PHKB: variants seen among roughly 807,000 people sequenced by gnomAD.
PHKB encodes the protein phosphorylase kinase regulatory subunit beta.
In PHKB, 122 loss-of-function variants were observed where a neutral mutation model predicts 152.1. The observed-to-expected ratio is 0.80, with a 90% CI of 0.69 to 0.93. The LOEUF is 0.93. PHKB is among the 40% of genes least tolerant of loss of function. PHKB has a pLI of 0.00. For synonymous variants in PHKB, 436 were observed against 464.9 expected (o/e 0.94, Z 0.80); for missense variants, 1,304 against 1,328.4 (o/e 0.98, Z 0.29).
intron 7 of PHKB, among the ~76,000 whole-genome samples, chr16:47,579,533 A>G (rs1313719418): frequency 6.6e-6 from 1 of 152,204 alleles, no homozygotes; most frequent in African/African-American, 2.4e-5. Flanking sequence ...TTAATGGCAA[A>G]TACACTTGCT....
chr16:47,587,809 G>A lies in PHKB; in HGVS notation c.870+46G>A, dbSNP rs1006260388. Reference sequence around the variant, plus strand: ...AAATTTAACATGAACTATTGTTTATGATTTCTATGTAGTTATATCTTAATT... The same window carrying A: ...AAATTTAACATGAACTATTGTTTATAATTTCTATGTAGTTATATCTTAATT... On this transcript the variant is annotated intron_variant, in intron 9 of 30. Transcript: ENST00000323584. 3.0e-6 allele frequency: 4 copies of A among 1,320,050 alleles called. No individual in the cohort carries two copies. In the African/African-American group the frequency reaches 5.8e-5, roughly 19 times the overall value. The allele number at this position is 1,320,050 out of a possible 1,614,324, so 81.8% of individuals were successfully genotyped here.
chr16:47,569,234 ATCT>A lies in PHKB; in HGVS notation c.711-11056_711-11054del, dbSNP rs1971617677. 1.3e-5 allele frequency among the ~76,000 whole-genome samples: 2 copies of A among 152,176 alleles called. 1 individual carries two copies. The highest frequency in any genetic ancestry group is 2.9e-5 in the Non-Finnish European group (2 of 68,026). ...CTGCATATGTATTTAGAATTATTAT[ATCT>A]TCTTGTTGAATTGTTCTGTTATAAT... is the stretch of plus-strand genomic sequence containing the variant. On this transcript the variant is annotated intron_variant, in intron 7 of 30. Transcript: ENST00000323584.
intron 6 of PHKB, among the ~76,000 whole-genome samples, chr16:47,546,335 A>G (rs905570365): frequency 6.6e-6 from 1 of 152,070 alleles, no homozygotes; most frequent in African/African-American, 2.4e-5. Flanking sequence ...TTTTCCTTCT[A>G]ACAGGCCCCT....
chr16:47,603,019 C>T (rs1053727656), intron 13 of PHKB, among the ~76,000 whole-genome samples: 1 of 152,112 alleles, frequency 6.6e-6, no homozygotes, highest in Non-Finnish European at 1.5e-5. Flanking sequence ...AGTCCTTTTG[C>T]ATTTGATTTT....
intron 7 of PHKB, chr16:47,547,838 C>G (rs1301028730): frequency 5.5e-6 from 2 of 361,656 alleles, no homozygotes; most frequent in East Asian, 6.8e-5. Flanking sequence ...TCTGCTCAAC[C>G]AAGTCATTTT....
At chr16:47,601,794 G>A (rs1972232054) in intron 13 of PHKB, among the ~76,000 whole-genome samples, 1 of 151,882 alleles carries the variant, frequency 6.6e-6, no homozygotes. Flanking sequence ...GACATTCATA[G>A]TGATGATCTT....
intron 6 of PHKB, among the ~76,000 whole-genome samples, chr16:47,542,107 C>T (rs575641713): frequency 3.6e-4 from 55 of 152,138 alleles, no homozygotes; most frequent in Non-Finnish European, 7.1e-4. Flanking sequence ...CTAGGTTTTC[C>T]TCTAGGGTTT....
At chr16:47,679,391 C>T (rs1191757881) in intron 26 of PHKB, among the ~76,000 whole-genome samples, 2 of 152,184 alleles carry the variant, frequency 1.3e-5, no homozygotes, top group East Asian at 3.8e-4. Context: ...ATTGATTCTT[C>T]CTACTCATGA....
chr16:47,560,875 A>T (rs1971464753), intron 7 of PHKB, among the ~76,000 whole-genome samples: 1 of 152,176 alleles, frequency 6.6e-6, no homozygotes, highest in Non-Finnish European at 1.5e-5. Context: ...ATATGTTATG[A>T]TAGGGATGGA....
chr16:47,578,239 T>C (rs1234077751), intron 7 of PHKB, among the ~76,000 whole-genome samples: 1 of 152,214 alleles, frequency 6.6e-6, no homozygotes, highest in Non-Finnish European at 1.5e-5. Context: ...AATTGCTTAT[T>C]GAAGCACTTT....
At chr16:47,497,885 A>C (rs1296845007) in intron 2 of PHKB, among the ~76,000 whole-genome samples, 1 of 152,226 alleles carries the variant, frequency 6.6e-6, no homozygotes, top group Non-Finnish European at 1.5e-5. Context: ...TCATTGAGAT[A>C]CAAGAGATAA....
rs560334266 is a variant in PHKB, at chr16:47,678,854, G to A, written c.2630+9437G>A. Among the ~76,000 whole-genome samples the A allele has an allele frequency of 8.5e-5, 13 of 152,296 alleles. No homozygotes were observed. The South Asian group carries it at 2.7e-3, about 32-fold the overall frequency. On this transcript the variant is annotated intron_variant, in intron 26 of 30. Coordinates refer to ENST00000323584, the MANE Select transcript of PHKB (RefSeq NM_000293.3). ...ACATGCAGTCCTTGCCCATGCCTGT[G>A]TCCTGAATGGTATTGCCTAGGTTTT...
intron 14 of PHKB, among the ~76,000 whole-genome samples, chr16:47,636,035 G>A (rs1447883284): frequency 6.6e-6 from 1 of 152,196 alleles, no homozygotes; most frequent in East Asian, 1.9e-4. Context: ...TGGAGGTTAT[G>A]TAAAAGGCAT....
At chr16:47,606,580 C>T (rs1972328394) in intron 13 of PHKB, among the ~76,000 whole-genome samples, 1 of 152,176 alleles carries the variant, frequency 6.6e-6, no homozygotes, top group South Asian at 2.1e-4. Context: ...TTAATTTGCA[C>T]ATGTGTGAGC....
chr16:47,661,661 C>T (rs1973446302), intron 22 of PHKB, 58 bp from the exon 23 acceptor site: 1 of 1,065,710 alleles, frequency 9.4e-7, no homozygotes, highest in South Asian at 1.3e-5. Context: ...TAGTTACCCT[C>T]TGTGGTAACT....
At chr16:47,643,566 G>A (rs1454721829) in intron 16 of PHKB, among the ~76,000 whole-genome samples, 1 of 152,196 alleles carries the variant, frequency 6.6e-6, no homozygotes, top group Non-Finnish European at 1.5e-5. Context: ...GTGTTGAGAT[G>A]GAAGATTGTT....
chr16:47,662,892 T>G (rs1373674743), intron 23 of PHKB, among the ~76,000 whole-genome samples: 1 of 152,108 alleles, frequency 6.6e-6, no homozygotes, highest in South Asian at 2.1e-4. Context: ...TTAGTGCTTT[T>G]AAATAAAAGA....
chr16:47,610,551 C>T (rs1373956935), intron 13 of PHKB, among the ~76,000 whole-genome samples: 1 of 151,876 alleles, frequency 6.6e-6, no homozygotes, highest in Admixed American at 6.6e-5. Context: ...TTTTCATTTC[C>T]ACATATGTGT....
chr16:47,565,220 T>C, intron 7 of PHKB: 1 of 652,090 alleles, frequency 1.5e-6, no homozygotes, highest in Non-Finnish European at 2.9e-6. Flanking sequence ...CTCTTGATCC[T>C]TTTTGCCATC....
Sources: allele counts gnomAD v4.1 joint callset (sites outside exome capture counted in the v4.1 genomes callset), GRCh38; gene constraint gnomAD v4.1.1; transcripts MANE v1.5; gene names NCBI Gene and HGNC (gene_info 2026-07-23, HGNC 2026-07-21).